Variants in RGS7 observed in about 807,000 individuals in gnomAD.
The protein encoded by RGS7 is regulator of G protein signaling 7, also known as regulator of G-protein signaling 7.
A neutral mutation model predicts 81.1 loss-of-function variants in RGS7; 27 were observed. The observed-to-expected ratio is 0.33, with a 90% CI of 0.25 to 0.46. The LOEUF (loss-of-function observed/expected upper bound fraction) is 0.46. Ranked by LOEUF, RGS7 falls within the 20% of genes least tolerant of loss-of-function variation. RGS7 has a pLI of 1.00. For missense variants in RGS7, 396 were observed against 607.4 expected, an observed-to-expected ratio of 0.65 and a Z score of 3.66; for synonymous variants, 208 against 207.7, an observed-to-expected ratio of 1.00 and a Z score of -0.01.
At chr1:241,025,717 A>C (rs2059750308) in intron 3 of RGS7, among the ~76,000 whole-genome samples, 1 of 151,840 alleles carries the variant, frequency 6.6e-6, no homozygotes, top group Admixed American at 6.6e-5. Context: ...TTAATGAAGG[A>C]TATTACAGTT....
intron 2 of RGS7, among the ~76,000 whole-genome samples, chr1:241,160,275 A>G (rs1463361311): frequency 2.0e-5 from 3 of 152,202 alleles, no homozygotes; most frequent in African/African-American, 7.2e-5. Flanking sequence ...GGATCAACAA[A>G]ATGCCTTCAT....
Position 241,273,181 on chromosome 1 carries a change from C to CCCG in RGS7, c.78+82517_78+82518insCGG, listed in dbSNP as rs1553305856. 2.3e-4 allele frequency among the ~76,000 whole-genome samples: 27 copies of CCCG among 116,892 alleles called. 1 individual carries two copies. The highest frequency in any genetic ancestry group is 6.6e-4 in the African/African-American group (25 of 37,830). 76.7% of individuals were successfully genotyped at this position (116,892 alleles called of 152,430 possible). On this transcript the variant is annotated intron_variant, in intron 2 of 18. Transcript: ENST00000440928. ...CTAAAGTAAATAATAATGAACCCCC[C>CCCG]CCCCCAAAGGATACACTCCTTCTTC...
intron 2 of RGS7, among the ~76,000 whole-genome samples, chr1:241,327,891 TTCTTA>T (rs1224507744): frequency 2.0e-5 from 3 of 152,212 alleles, no homozygotes; most frequent in African/African-American, 4.8e-5. Context: ...AGAAAAAGGC[TTCTTA>T]GAGTACAGCT....
At chr1:241,025,872 G>A (rs1036873716) in intron 3 of RGS7, among the ~76,000 whole-genome samples, 1 of 152,154 alleles carries the variant, frequency 6.6e-6, no homozygotes, top group Non-Finnish European at 1.5e-5. Flanking sequence ...GGAAGTTAGA[G>A]CAGGCTGGTG....
intron 3 of RGS7, among the ~76,000 whole-genome samples, chr1:241,042,647 G>GGGCCA (rs2060685656): frequency 6.6e-6 from 1 of 151,696 alleles, no homozygotes; most frequent in Admixed American, 6.6e-5. Context: ...TCCCTTGGCC[G>GGGCCA]GGCCGGGCTT....
intron 3 of RGS7, among the ~76,000 whole-genome samples, chr1:241,054,168 A>G (rs1274725038): frequency 6.6e-6 from 1 of 152,246 alleles, no homozygotes; most frequent in African/African-American, 2.4e-5. Flanking sequence ...AGGAAAGAAC[A>G]TATAACACTG....
chr1:241,214,028 G>T (rs12566189), intron 2 of RGS7, among the ~76,000 whole-genome samples: 14,261 of 152,128 alleles, frequency 0.094, 843 homozygotes, highest in East Asian at 0.22. Context: ...GCCTCCCAAA[G>T]TGCTGGAATT....
chr1:240,855,781 T>TACC (rs1488255005), intron 9 of RGS7, among the ~76,000 whole-genome samples: 2 of 152,212 alleles, frequency 1.3e-5, no homozygotes, highest in Non-Finnish European at 1.5e-5. Flanking sequence ...ATTGTCAAAT[T>TACC]AATTTTTATA....
intron 3 of RGS7, among the ~76,000 whole-genome samples, chr1:241,066,117 A>G (rs2062047616): frequency 6.6e-6 from 1 of 152,234 alleles, no homozygotes; most frequent in Non-Finnish European, 1.5e-5. Flanking sequence ...TATTCATCTC[A>G]TCTAATGCAA....
At chr1:241,176,055 T>C (rs1466400256) in intron 2 of RGS7, among the ~76,000 whole-genome samples, 1 of 152,194 alleles carries the variant, frequency 6.6e-6, no homozygotes, top group Non-Finnish European at 1.5e-5. Flanking sequence ...TTACCACCTT[T>C]CTATGAGAGG....
chr1:241,124,154 G>A (rs1476046429), intron 2 of RGS7, among the ~76,000 whole-genome samples: 1 of 152,016 alleles, frequency 6.6e-6, no homozygotes, highest in African/African-American at 2.4e-5. Flanking sequence ...AGCTCTTTGG[G>A]AGGCCGAGGC....
At chr1:241,203,386 C>T (rs1165753907) in intron 2 of RGS7, among the ~76,000 whole-genome samples, 1 of 152,248 alleles carries the variant, frequency 6.6e-6, no homozygotes, top group Non-Finnish European at 1.5e-5. Flanking sequence ...GTGCCCACCA[C>T]CATGCCTGGC....
At chr1:240,841,577 A>G (rs1449680770) in intron 9 of RGS7, among the ~76,000 whole-genome samples, 1 of 93,826 alleles carries the variant, frequency 1.1e-5, no homozygotes, top group African/African-American at 3.5e-5. Context: ...ACATTTTTCA[A>G]CTATAACCAT....
At chr1:241,259,667 A>AAAAAATATATATATATATATATAT in intron 2 of RGS7, among the ~76,000 whole-genome samples, 1 of 49,146 alleles carries the variant, frequency 2.0e-5, no homozygotes, top group Non-Finnish European at 3.6e-5. Context: ...AAAAAAAAAA[A>AAAAAATATATATATATATATATAT]ATATATATAT....
intron 18 of RGS7, among the ~76,000 whole-genome samples, chr1:240,784,318 G>C (rs1280438936): frequency 6.6e-6 from 1 of 152,126 alleles, no homozygotes; most frequent in African/African-American, 2.4e-5. Flanking sequence ...AGATTACAGA[G>C]AAGAGTAGAA....
chr1:240,911,578 T>C (rs1671752887), intron 6 of RGS7, among the ~76,000 whole-genome samples: 1 of 152,202 alleles, frequency 6.6e-6, no homozygotes, highest in Non-Finnish European at 1.5e-5. Flanking sequence ...TACTTTAGAA[T>C]TGGATAGCCA....
At position 241,132,964 on chromosome 1, in the gene RGS7, G is replaced by A. The variant is rs144678359; in HGVS notation, c.79-34202C>T. The stretch of plus-strand genomic sequence containing the variant: ...TTTTTAGTAGAGATGGGGTTTCACC[G>A]TGTTAGCCAGGATGGTCTCGATCTC... On this transcript the variant is annotated intron_variant, in intron 2 of 18. Transcript: ENST00000440928. Among the ~76,000 whole-genome samples, 726 of 151,950 alleles carry A rather than the reference G, an allele frequency of 4.8e-3. 13 individuals are homozygous for A. In the East Asian group the frequency reaches 0.064, roughly 13 times the overall value.
chr1:241,296,177 A>G (rs1194946993), intron 2 of RGS7, among the ~76,000 whole-genome samples: 1 of 152,066 alleles, frequency 6.6e-6, no homozygotes, highest in Admixed American at 6.5e-5. Flanking sequence ...CAGGAGAGGG[A>G]GGAGGAGGAA....
At chr1:241,248,395 C>T (rs537256023) in intron 2 of RGS7, among the ~76,000 whole-genome samples, 1 of 146,820 alleles carries the variant, frequency 6.8e-6, no homozygotes, top group Non-Finnish European at 1.5e-5. Flanking sequence ...TACATACATA[C>T]ATATGTATAT....
Sources: allele counts gnomAD v4.1 joint callset (sites outside exome capture counted in the v4.1 genomes callset), GRCh38; gene constraint gnomAD v4.1.1; transcripts MANE v1.5; gene names NCBI Gene and HGNC (gene_info 2026-07-23, HGNC 2026-07-21).